PRH1: variants seen among roughly 807,000 people sequenced by gnomAD.
PRH1 encodes the protein salivary acidic proline-rich phosphoprotein 1/2.
In PRH1, 7 loss-of-function variants were observed where a neutral mutation model predicts 7.9. The observed-to-expected ratio is 0.89, with a 90% CI of 0.50 to 1.67. The LOEUF (loss-of-function observed/expected upper bound fraction) is 1.67, where lower values mean the gene tolerates loss of function less well. Among genes scored for constraint, PRH1 ranks in the 40% most tolerant of loss-of-function variants. The pLI is 0.00. For synonymous variants in PRH1, 45 were observed against 80.8 expected, an observed-to-expected ratio of 0.56 and a Z score of 2.38; for missense variants, 109 against 223.6, an observed-to-expected ratio of 0.49 and a Z score of 3.27.
intron 1 of PRH1, chr12:10,996,970 T>G: frequency 6.2e-7 from 1 of 1,613,030 alleles, no homozygotes; most frequent in Non-Finnish European, 8.5e-7. Flanking sequence ...GGTTCTGTCC[T>G]TTTGCCCAGC....
At chr12:11,080,174 T>C (rs1363150763) in intron 1 of PRH1, among the ~76,000 whole-genome samples, 7 of 123,624 alleles carry the variant, frequency 5.7e-5, no homozygotes, top group Non-Finnish European at 3.8e-5. Flanking sequence ...CAACAAGCTA[T>C]GCAACCCTAA....
intron 1 of PRH1, among the ~76,000 whole-genome samples, chr12:11,167,129 G>C (rs905054086): frequency 1.3e-5 from 2 of 152,116 alleles, no homozygotes; most frequent in Non-Finnish European, 2.9e-5. Context: ...TTAAGTCATA[G>C]ACATCTTTGG....
chr12:11,074,441 C>T (rs1209053236), intron 1 of PRH1, among the ~76,000 whole-genome samples: 1 of 131,858 alleles, frequency 7.6e-6, no homozygotes, highest in African/African-American at 2.7e-5. Flanking sequence ...TAAGGGGAAC[C>T]GCTGGAGGTG....
At chr12:11,103,200 C>T (rs1039229976) in intron 1 of PRH1, among the ~76,000 whole-genome samples, 13 of 151,218 alleles carry the variant, frequency 8.6e-5, no homozygotes, top group Non-Finnish European at 1.6e-4. Context: ...GATATATAAA[C>T]GAAGGATTAT....
intron 1 of PRH1, among the ~76,000 whole-genome samples, chr12:11,126,158 G>A (rs1946120981): frequency 6.6e-6 from 1 of 152,270 alleles, no homozygotes; most frequent in Non-Finnish European, 1.5e-5. Context: ...TGGTCATGAA[G>A]TAGAATTTAC....
At chr12:11,061,805 A>G in intron 1 of PRH1, 1 of 1,614,176 alleles carries the variant, frequency 6.2e-7, no homozygotes, top group Non-Finnish European at 8.5e-7. Context: ...TTGATCTTCC[A>G]AGTCATGTTT....
At chr12:10,956,505 C>G (rs1937967478) in intron 2 of PRH1, among the ~76,000 whole-genome samples, 1 of 152,070 alleles carries the variant, frequency 6.6e-6, no homozygotes, top group Non-Finnish European at 1.5e-5. Context: ...CCCTTGAAAA[C>G]AGGAACAAGA....
intron 1 of PRH1, among the ~76,000 whole-genome samples, chr12:11,025,566 A>G: frequency 6.6e-6 from 1 of 152,302 alleles, no homozygotes; most frequent in Non-Finnish European, 1.5e-5. Context: ...ATTACTAAAA[A>G]TATATTCAGG....
At chr12:11,058,172 G>A (rs1208356172) in intron 1 of PRH1, among the ~76,000 whole-genome samples, 1 of 152,154 alleles carries the variant, frequency 6.6e-6, no homozygotes, top group African/African-American at 2.4e-5. Context: ...GAAGGTTGAG[G>A]CTGCAATGAG....
intron 1 of PRH1, among the ~76,000 whole-genome samples, chr12:10,993,273 A>G (rs1285525971): frequency 6.6e-6 from 1 of 152,204 alleles, no homozygotes; most frequent in Admixed American, 6.5e-5. Context: ...AGGTAAGAAC[A>G]AAAGCACTGC....
chr12:11,016,182 G>C (rs890244932), intron 1 of PRH1, among the ~76,000 whole-genome samples: 2 of 151,584 alleles, frequency 1.3e-5, no homozygotes, highest in Admixed American at 6.6e-5. Flanking sequence ...CTGTCTGATA[G>C]ATAAGGCACC....
At chr12:11,117,754 AAAC>A (rs1383873938), downstream of PRH1, among the ~76,000 whole-genome samples, 1 of 152,228 alleles carries the variant, frequency 6.6e-6, no homozygotes, top group Non-Finnish European at 1.5e-5. Flanking sequence ...GACAACTCGG[AAAC>A]AAACCCACAC....
chr12:11,149,400 G>A lies in PRH1; in HGVS notation n.39+22022C>T, dbSNP rs9697744. On this transcript the variant is annotated intron_variant and non_coding_transcript_variant, in intron 1 of 1. Coordinates refer to the PRH1 transcript ENST00000541175. ...AAAAGAACAAAGCTGGAGGCATCAC[G>A]CTACCTGACTTCAAACTATACTACA... is the stretch of plus-strand genomic sequence containing the variant. Among the ~76,000 whole-genome samples the A allele has an allele frequency of 4.9e-3, 751 of 152,034 alleles. 4 individuals carry two copies. The highest frequency in any genetic ancestry group is 0.015 in the African/African-American group (609 of 41,440).
intron 1 of PRH1, among the ~76,000 whole-genome samples, chr12:11,138,519 C>T (rs76580341): frequency 0.015 from 2,324 of 152,126 alleles, 19 homozygotes; most frequent in South Asian, 0.031. Flanking sequence ...CATTTAGAGA[C>T]ACATTTTGGC....
upstream of PRH1, among the ~76,000 whole-genome samples, chr12:10,886,343 C>T: frequency 6.6e-6 from 1 of 152,156 alleles, no homozygotes; most frequent in South Asian, 2.1e-4. Flanking sequence ...AGCTGCAGGC[C>T]TGGTGCAAGA....
chr12:11,133,172 CTT>C, intron 1 of PRH1: 2 of 1,308,866 alleles, frequency 1.5e-6, no homozygotes, highest in South Asian at 3.3e-5. Context: ...TCTAGACTAA[CTT>C]TAGGTAAAAG....
chr12:11,167,838 C>T (rs1947626268), intron 1 of PRH1, among the ~76,000 whole-genome samples: 1 of 152,164 alleles, frequency 6.6e-6, no homozygotes, highest in Non-Finnish European at 1.5e-5. Context: ...TTTTGGTCTA[C>T]TGCTAACTAA....
intron 2 of PRH1, among the ~76,000 whole-genome samples, chr12:10,969,177 CAG>C (rs1938663793): frequency 6.6e-6 from 1 of 152,226 alleles, no homozygotes; most frequent in Non-Finnish European, 1.5e-5. Flanking sequence ...TGTCTCCAGC[CAG>C]ACTCTTCTCG....
chr12:10,947,607 T>G (rs1171746138), intron 2 of PRH1, among the ~76,000 whole-genome samples: 25 of 152,286 alleles, frequency 1.6e-4, no homozygotes, highest in Non-Finnish European at 1.5e-5. Context: ...TGCCATTTAA[T>G]TGTGTCATTT....
Sources: allele counts gnomAD v4.1 joint callset (sites outside exome capture counted in the v4.1 genomes callset), GRCh38; gene constraint gnomAD v4.1.1; transcripts MANE v1.5; gene names NCBI Gene and HGNC (gene_info 2026-07-23, HGNC 2026-07-21).